GRM8: variants seen among roughly 807,000 people sequenced by gnomAD.
GRM8 encodes glutamate metabotropic receptor 8.
A neutral mutation model predicts 87.2 loss-of-function variants in GRM8; 47 were observed. The ratio of observed to expected loss-of-function variants is 0.54; its 90% CI spans 0.43 to 0.69. The LOEUF (loss-of-function observed/expected upper bound fraction) is 0.69. Among genes scored for constraint, GRM8 ranks in the 30% least tolerant of loss-of-function variants. The probability of loss-of-function intolerance (pLI) is 0.00; values close to 1 mark genes in which losing one functional copy is unlikely to be tolerated. For missense variants in GRM8, 1,019 were observed against 1,139.2 expected, an observed-to-expected ratio of 0.89 and a Z score of 1.52; for synonymous variants, 396 against 404.5, an observed-to-expected ratio of 0.98 and a Z score of 0.25.
At chr7:126,975,062 A>G (rs1810849041) in intron 3 of GRM8, among the ~76,000 whole-genome samples, 2 of 151,934 alleles carry the variant, frequency 1.3e-5, no homozygotes, top group Non-Finnish European at 2.9e-5. Context: ...CCCCATTCTT[A>G]GAACAAGAAT....
chr7:126,983,365 C>A (rs951883609), intron 3 of GRM8, among the ~76,000 whole-genome samples: 3 of 152,104 alleles, frequency 2.0e-5, no homozygotes, highest in African/African-American at 7.2e-5. Flanking sequence ...CAATACTTTG[C>A]AGGGCTGGGG....
At chr7:126,769,455 T>C (rs1320274877) in intron 7 of GRM8, among the ~76,000 whole-genome samples, 1 of 152,086 alleles carries the variant, frequency 6.6e-6, no homozygotes, top group African/African-American at 2.4e-5. Flanking sequence ...AAGTCATCCA[T>C]TTTCTTCAAG....
At chr7:127,081,822 A>G (rs780625363) in intron 3 of GRM8, among the ~76,000 whole-genome samples, 1 of 152,110 alleles carries the variant, frequency 6.6e-6, no homozygotes, top group African/African-American at 2.4e-5. Flanking sequence ...GGGTGGGAGG[A>G]GGTAAAGGTG....
rs368154381 is a variant in GRM8 at position 127,109,050 on chromosome 7, C to T, written c.511-2338G>A. Among the ~76,000 whole-genome samples the T allele has an allele frequency of 2.0e-5, 3 of 152,136 alleles. No individual in the cohort carries two copies. In the East Asian group the frequency reaches 5.8e-4, roughly 29 times the overall value. ...GCATTTTAATTTCTGTCCCAGCATC[C>T]CCAGTATTTCTACCACCCGCAAATT... is the stretch of plus-strand genomic sequence containing the variant. On this transcript the variant is annotated intron_variant, in intron 2 of 10. Transcript: ENST00000339582.
At chr7:127,083,990 C>T (rs1456792773) in intron 3 of GRM8, among the ~76,000 whole-genome samples, 1 of 152,148 alleles carries the variant, frequency 6.6e-6, no homozygotes, top group East Asian at 1.9e-4. Flanking sequence ...AGAACAAGTA[C>T]TTCATACATG....
At chr7:127,060,679 C>T (rs76883874) in intron 3 of GRM8, among the ~76,000 whole-genome samples, 1,530 of 152,094 alleles carry the variant, frequency 0.01, 28 homozygotes, top group African/African-American at 0.034. Flanking sequence ...TATGGCATGC[C>T]TTTTTTAAAT....
At chr7:127,147,898 G>A (rs1260527868) in intron 2 of GRM8, among the ~76,000 whole-genome samples, 2 of 152,030 alleles carry the variant, frequency 1.3e-5, no homozygotes, top group African/African-American at 4.8e-5. Flanking sequence ...GGTAAGCTTT[G>A]TTGTTTGAAA....
chr7:127,224,041 G>GA (rs1395988884), intron 2 of GRM8, among the ~76,000 whole-genome samples: 2 of 151,688 alleles, frequency 1.3e-5, no homozygotes, highest in Non-Finnish European at 2.9e-5. Flanking sequence ...TTAGGCTGGG[G>GA]AAAAAAATGA....
intron 8 of GRM8, among the ~76,000 whole-genome samples, chr7:126,593,860 G>C (rs1034200509): frequency 3.9e-5 from 6 of 152,040 alleles, no homozygotes; most frequent in African/African-American, 1.2e-4. Context: ...CTGGCTAAAG[G>C]TTTTATCCAA....
chr7:127,180,511 A>AT (rs1393212927), intron 2 of GRM8, among the ~76,000 whole-genome samples: 4 of 152,104 alleles, frequency 2.6e-5, no homozygotes, highest in African/African-American at 9.7e-5. Flanking sequence ...AGCCAGCATC[A>AT]CCCTAATACC....
intron 2 of GRM8, among the ~76,000 whole-genome samples, chr7:127,188,945 A>G (rs1039743459): frequency 6.6e-6 from 1 of 152,248 alleles, no homozygotes; most frequent in Non-Finnish European, 1.5e-5. Context: ...CCTCCAAAGC[A>G]GTGAAAGGAA....
intron 8 of GRM8, among the ~76,000 whole-genome samples, chr7:126,557,467 A>G (rs1299053320): frequency 2.0e-5 from 3 of 152,182 alleles, no homozygotes; most frequent in Non-Finnish European, 4.4e-5. Flanking sequence ...GCCAGGATCC[A>G]TCTTCACTTT....
chr7:126,515,064 GTGTTGGGGGGTA>G (rs899604795), intron 9 of GRM8, among the ~76,000 whole-genome samples: 4 of 152,136 alleles, frequency 2.6e-5, no homozygotes, highest in African/African-American at 9.6e-5. Flanking sequence ...ATAAATGTGT[GTGTTGGGGGGTA>G]TGTAAAATAT....
intron 7 of GRM8, among the ~76,000 whole-genome samples, chr7:126,615,751 A>G (rs1799421550): frequency 6.6e-6 from 1 of 152,192 alleles, no homozygotes; most frequent in Non-Finnish European, 1.5e-5. Context: ...CAGACTTTAA[A>G]CCAACAAAGA....
intron 7 of GRM8, among the ~76,000 whole-genome samples, chr7:126,633,773 TTTATATGTACCATATAAATA>T (rs201896329): frequency 0.016 from 2,433 of 152,078 alleles, 51 homozygotes; most frequent in African/African-American, 0.044. Flanking sequence ...TATTAATCTA[TTTATATGTACCATATAAATA>T]TTATATGTAC....
chr7:126,466,253 A>G (rs544558804), intron 9 of GRM8, among the ~76,000 whole-genome samples: 133 of 151,940 alleles, frequency 8.8e-4, no homozygotes, highest in Middle Eastern at 6.9e-3. Flanking sequence ...CACACTTTCT[A>G]ACAGGTTATT....
intron 7 of GRM8, among the ~76,000 whole-genome samples, chr7:126,748,783 G>A (rs1181030357): frequency 6.6e-6 from 1 of 151,908 alleles, no homozygotes; most frequent in Non-Finnish European, 1.5e-5. Context: ...ATTAGAATAT[G>A]CATACACATA....
intron 6 of GRM8, among the ~76,000 whole-genome samples, chr7:126,894,493 G>A (rs1383877555): frequency 6.6e-6 from 1 of 151,978 alleles, no homozygotes; most frequent in Non-Finnish European, 1.5e-5. Context: ...TCTCTGTAGT[G>A]TGAGCATTTT....
intron 8 of GRM8, among the ~76,000 whole-genome samples, chr7:126,601,232 T>G (rs62477886): frequency 0.31 from 46,813 of 151,766 alleles, 8,086 homozygotes; most frequent in East Asian, 0.44. Flanking sequence ...ATTTCCAATT[T>G]CATCCATGTC....
Sources: gnomAD v4.1 joint callset for allele counts (sites outside exome capture counted in the v4.1 genomes callset) on GRCh38, gnomAD v4.1.1 for gene constraint, MANE v1.5 for transcripts, NCBI Gene and HGNC (gene_info 2026-07-23, HGNC 2026-07-21) for gene names.